TMED8: variants seen among roughly 807,000 people sequenced by gnomAD.
TMED8 encodes protein TMED8.
Under a neutral mutation model 32.7 loss-of-function variants are expected in TMED8, and 15 were observed. The observed-to-expected ratio is 0.46, with a 90% CI of 0.31 to 0.71. The LOEUF is 0.71. Ranked by LOEUF, TMED8 falls within the 30% of genes least tolerant of loss-of-function variation. The probability of loss-of-function intolerance (pLI) is 0.06; values close to 1 mark genes in which losing one functional copy is unlikely to be tolerated. For synonymous variants in TMED8, 147 were observed against 161.4 expected, an observed-to-expected ratio of 0.91 and a Z score of 0.68; for missense variants, 390 against 423.9, an observed-to-expected ratio of 0.92 and a Z score of 0.70.
chr14:77,346,760 G>GTTTTTTTTTTTTTTTTTTTT, intron 2 of TMED8, among the ~76,000 whole-genome samples: 1 of 69,440 alleles, frequency 1.4e-5, no homozygotes, highest in African/African-American at 5.3e-5. Flanking sequence ...TGCTGGTCTG[G>GTTTTTTTTTTTTTTTTTTTT]TTTTTTTTTT....
chr14:77,349,574 T>C (rs1409335255), intron 2 of TMED8, among the ~76,000 whole-genome samples: 1 of 152,204 alleles, frequency 6.6e-6, no homozygotes. Flanking sequence ...CTGCCTAGAA[T>C]ACTCTTCTAG....
rs1892778161 is a variant in TMED8, at chr14:77,337,086, A to G, written c.*4685T>C. ...TCTGAGTTTTTCTTCCCAAAATAACAAAAATATTTTTTAAAGTGCATGTAT... is the reference window on the plus strand; with the variant it reads ...TCTGAGTTTTTCTTCCCAAAATAACGAAAATATTTTTTAAAGTGCATGTAT... On this transcript the variant is annotated 3_prime_UTR_variant, in exon 6 of 6. Transcript: ENST00000216468. 6.6e-6 allele frequency: 1 copy of G among 152,228 alleles called. No homozygotes were observed. The highest frequency in any genetic ancestry group is 2.1e-4 in the South Asian group (1 of 4,826). The allele number at this position is 152,228 out of a possible 1,614,324, so 9.4% of individuals were successfully genotyped here. A position where few individuals can be genotyped will look rare whatever the true frequency, so the allele number is the denominator to read the frequency against.
rs536883785 is a variant in TMED8, at chr14:77,367,982, C to T, written c.118+8954G>A. Among the ~76,000 whole-genome samples, 5 of 152,340 alleles carry T rather than the reference C, an allele frequency of 3.3e-5. No homozygotes were observed. In the East Asian group the frequency reaches 9.6e-4, roughly 29 times the overall value. On this transcript the variant is annotated intron_variant, in intron 1 of 5. Transcript: ENST00000216468. ...GTACTGGGATTACAGGCATGGGCCA[C>T]CGCACCCAGCCAGTTTGTTCACTGT... is the stretch of plus-strand genomic sequence containing the variant.
At chr14:77,360,934 T>C (rs2139625861) in intron 1 of TMED8, among the ~76,000 whole-genome samples, 1 of 152,184 alleles carries the variant, frequency 6.6e-6, no homozygotes, top group Non-Finnish European at 1.5e-5. Context: ...TGGCCATTTT[T>C]ACGTCTTCTT....
At chr14:77,364,495 C>A (rs56403921) in intron 1 of TMED8, among the ~76,000 whole-genome samples, 1 of 151,990 alleles carries the variant, frequency 6.6e-6, no homozygotes, top group South Asian at 2.1e-4. Flanking sequence ...TCCTCCCACA[C>A]GGGCCATCCA....
At chr14:77,364,607 A>G (rs1893509319) in intron 1 of TMED8, among the ~76,000 whole-genome samples, 1 of 152,112 alleles carries the variant, frequency 6.6e-6, no homozygotes, top group Non-Finnish European at 1.5e-5. Flanking sequence ...AGCTCACTGC[A>G]GCCTCAAACT....
intron 2 of TMED8, among the ~76,000 whole-genome samples, chr14:77,351,419 T>A (rs1893174032): frequency 7.3e-6 from 1 of 137,380 alleles, no homozygotes; most frequent in Admixed American, 7.1e-5. Context: ...TAATTTTTTT[T>A]TTTTTTTTTT....
chr14:77,363,866 T>C (rs192616334), intron 1 of TMED8, among the ~76,000 whole-genome samples: 1 of 152,310 alleles, frequency 6.6e-6, no homozygotes, highest in Admixed American at 6.5e-5. Context: ...ATGTACACCA[T>C]ACTCATGTCC....
chr14:77,368,901 T>C (rs557278195), intron 1 of TMED8, among the ~76,000 whole-genome samples: 1 of 152,208 alleles, frequency 6.6e-6, no homozygotes, highest in Admixed American at 6.5e-5. Context: ...ACCAAAGTAC[T>C]TTTGTGTACT....
At chr14:77,356,919 C>G (rs1893301761) in intron 1 of TMED8, among the ~76,000 whole-genome samples, 1 of 152,230 alleles carries the variant, frequency 6.6e-6, no homozygotes. Context: ...CACGGTATCA[C>G]TTAACAGATT....
intron 1 of TMED8, among the ~76,000 whole-genome samples, chr14:77,371,329 G>A (rs1409934745): frequency 2.0e-5 from 3 of 152,184 alleles, no homozygotes; most frequent in Admixed American, 2.0e-4. Context: ...AAGTGAGTTA[G>A]CAAACTACCA....
At chr14:77,355,980 G>C (rs1893281913) in intron 1 of TMED8, among the ~76,000 whole-genome samples, 1 of 152,164 alleles carries the variant, frequency 6.6e-6, no homozygotes, top group African/African-American at 2.4e-5. Context: ...AAGCAGAGAA[G>C]ATAATTTTCA....
At chr14:77,355,655 C>T (rs1279590717) in intron 1 of TMED8, among the ~76,000 whole-genome samples, 1 of 152,200 alleles carries the variant, frequency 6.6e-6, no homozygotes, top group African/African-American at 2.4e-5. Context: ...GGCAATGATG[C>T]TGTCTATAAC....
chr14:77,371,549 G>A (rs925630437), intron 1 of TMED8, among the ~76,000 whole-genome samples: 2 of 152,122 alleles, frequency 1.3e-5, no homozygotes, highest in Non-Finnish European at 2.9e-5. Flanking sequence ...TTTAAAGAAT[G>A]CCCTAAATTA....
rs1892758162 is a variant in TMED8 at position 77,336,299 on chromosome 14, AAG to A, written c.*5470_*5471del. 1 of 152,118 alleles carries A rather than the reference AAG, an allele frequency of 6.6e-6. No individual in the cohort carries two copies. Among genetic ancestry groups the A allele is most frequent in the African/African-American group, 2.4e-5 (1 of 41,424 alleles). 9.4% of individuals were successfully genotyped at this position (152,118 alleles called of 1,614,324 possible). On this transcript the variant is annotated 3_prime_UTR_variant, in exon 6 of 6. Coordinates refer to ENST00000216468, the MANE Select transcript of TMED8 (RefSeq NM_213601.3). ...AGGGCAACTTTTCATCATATCTTTG[AAG>A]AGTCATGACATTAACTCTGGTCCAC...
chr14:77,369,731 C>A (rs553575354), intron 1 of TMED8, among the ~76,000 whole-genome samples: 1 of 152,300 alleles, frequency 6.6e-6, no homozygotes, highest in African/African-American at 2.4e-5. Flanking sequence ...TATCTTCCAG[C>A]AGATGTTTAT....
chr14:77,364,129 TGAA>T (rs1339985664), intron 1 of TMED8, among the ~76,000 whole-genome samples: 1 of 152,260 alleles, frequency 6.6e-6, no homozygotes, highest in African/African-American at 2.4e-5. Context: ...ACTTGATATG[TGAA>T]GAATAGTATA....
chr14:77,353,314 C>G (rs1426333015), intron 1 of TMED8, among the ~76,000 whole-genome samples: 3 of 152,130 alleles, frequency 2.0e-5, no homozygotes. Context: ...AAACTTCAAA[C>G]ATTGAAAGTT....
intron 1 of TMED8, among the ~76,000 whole-genome samples, chr14:77,360,973 C>CTT (rs71128616): frequency 2.7e-4 from 23 of 85,458 alleles, no homozygotes; most frequent in Admixed American, 5.1e-4. Context: ...GATCCTTTGC[C>CTT]TTTTTTTTTT....
Sources: allele counts gnomAD v4.1 joint callset (sites outside exome capture counted in the v4.1 genomes callset), GRCh38; gene constraint gnomAD v4.1.1; transcripts MANE v1.5; gene names NCBI Gene and HGNC (gene_info 2026-07-23, HGNC 2026-07-21).